Variants in FBXL18 observed in about 807,000 individuals in gnomAD.
FBXL18 encodes the protein F-box/LRR-repeat protein 18.
Under a neutral mutation model 46.0 loss-of-function variants are expected in FBXL18, and 36 were observed. The observed-to-expected ratio is 0.78, with a 90% CI of 0.60 to 1.03. The LOEUF (loss-of-function observed/expected upper bound fraction) is 1.03, where lower values mean the gene tolerates loss of function less well. Among genes scored for constraint, FBXL18 ranks in the 50% least tolerant of loss-of-function variants. The probability of loss-of-function intolerance (pLI) is 0.00; values close to 1 mark genes in which losing one functional copy is unlikely to be tolerated. For synonymous variants in FBXL18, 557 were observed against 465.3 expected, an observed-to-expected ratio of 1.20 and a Z score of -2.54; for missense variants, 977 against 1,004.1, an observed-to-expected ratio of 0.97 and a Z score of 0.36.
downstream of FBXL18, among the ~76,000 whole-genome samples, chr7:5,474,425 C>T (rs982519430): frequency 6.6e-6 from 1 of 151,250 alleles, no homozygotes; most frequent in African/African-American, 2.4e-5. Context: ...CCTTCTGCCT[C>T]AGCCTCCCCC....
chr7:5,494,089 A>G (rs1165094689), intron 3 of FBXL18, among the ~76,000 whole-genome samples: 1 of 151,910 alleles, frequency 6.6e-6, no homozygotes, highest in Non-Finnish European at 1.5e-5. Context: ...CCTGACCAAC[A>G]TGGAAAAACC....
At chr7:5,462,326 C>T (rs1783259110) in intron 4 of FBXL18, among the ~76,000 whole-genome samples, 1 of 152,214 alleles carries the variant, frequency 6.6e-6, no homozygotes, top group Non-Finnish European at 1.5e-5. Context: ...TGAAAGTATT[C>T]ACTTGCCCGA....
intron 4 of FBXL18, among the ~76,000 whole-genome samples, chr7:5,466,868 G>T (rs6948909): frequency 0.19 from 29,391 of 152,034 alleles, 3,356 homozygotes; most frequent in African/African-American, 0.3. Flanking sequence ...GCCCCATCTC[G>T]GGACACAAAA....
chr7:5,495,971 C>T (rs1357383503), intron 3 of FBXL18: 4 of 444,202 alleles, frequency 9.0e-6, no homozygotes, highest in South Asian at 1.6e-5. Flanking sequence ...GGCTGGCCCA[C>T]AAAACCCACA....
intron 4 of FBXL18, among the ~76,000 whole-genome samples, chr7:5,462,392 T>C (rs1467049950): frequency 3.9e-5 from 6 of 152,176 alleles, no homozygotes; most frequent in Admixed American, 6.5e-5. Context: ...CACTGGTACG[T>C]TGGGAGATGA....
At chr7:5,474,676 G>A (rs982280419), downstream of FBXL18, among the ~76,000 whole-genome samples, 3 of 20,474 alleles carry the variant, frequency 1.5e-4, no homozygotes, top group African/African-American at 6.5e-4. Context: ...GGCAAATTAT[G>A]CACTTTATTT....
chr7:5,509,458 G>T (rs1784473771), intron 1 of FBXL18, among the ~76,000 whole-genome samples: 2 of 152,006 alleles, frequency 1.3e-5, no homozygotes, highest in African/African-American at 4.8e-5. Context: ...ACTTTGGGAG[G>T]CCAAAGCGGG....
In FBXL18 at chr7:5,476,242, A is replaced by ACCCT. The variant is rs1272666748; in HGVS notation, c.*5529_*5532dup. The ACCCT allele has an allele frequency of 2.0e-5, 3 of 151,434 alleles. No individual in the cohort carries two copies. The highest frequency in any genetic ancestry group is 7.3e-5 in the African/African-American group (3 of 41,000). The allele number at this position is 151,434 out of a possible 1,614,324, so 9.4% of individuals were successfully genotyped here. A position where few individuals can be genotyped will look rare whatever the true frequency, so the allele number is the denominator to read the frequency against. On this transcript the variant is annotated 3_prime_UTR_variant, in exon 5 of 5. Transcript: ENST00000382368. ...ACACACACACCCTTGCACACTCCCC[A>ACCCT]CCCTCCCTCCACCCCAGACACATCA...
At chr7:5,497,409 C>T (rs961544149) in intron 3 of FBXL18, among the ~76,000 whole-genome samples, 1 of 152,142 alleles carries the variant, frequency 6.6e-6, no homozygotes, top group African/African-American at 2.4e-5. Flanking sequence ...AGCGGCCGAT[C>T]CAGGGCCTGG....
chr7:5,456,378 C>T (rs1241014593), intron 4 of FBXL18, among the ~76,000 whole-genome samples: 2 of 152,202 alleles, frequency 1.3e-5, no homozygotes, highest in Non-Finnish European at 2.9e-5. Flanking sequence ...GGAGGACAAA[C>T]CAAGGGGGAT....
At position 5,500,976 on chromosome 7, in the gene FBXL18, G is replaced by C; in HGVS notation, c.1293C>G (p.Arg431=). The change falls in exon 3 of 5, where the codon CGC becomes CGG. Residue 431 remains arginine (R), a synonymous_variant. Transcript: ENST00000382368. ...CCGGCTGGGCGGGCGCGCGGTCGGC[G>C]CGCGGCGCGGAGTCAGCGACAGAGC... ...PVCSVADSAP[R]ADRAPAQPAM... The C allele has an allele frequency of 7.1e-6, 11 of 1,543,668 alleles. No individual in the cohort carries two copies. Among genetic ancestry groups the C allele is most frequent in the Non-Finnish European group, 9.6e-6 (11 of 1,151,578 alleles).
chr7:5,481,389 A>C lies in FBXL18; in HGVS notation c.*386T>G, dbSNP rs898932682. The C allele has an allele frequency of 5.7e-6, 1 of 174,728 alleles. No individual in the cohort carries two copies. Among genetic ancestry groups the C allele is most frequent in the Non-Finnish European group, 1.2e-5 (1 of 80,390 alleles). 10.8% of individuals were successfully genotyped at this position (174,728 alleles called of 1,614,324 possible). A position where few individuals can be genotyped will look rare whatever the true frequency, so the allele number is the denominator to read the frequency against. ...CCCGGTGGCAGGTGACCACAAACAC[A>C]ACAGCCAAGGGACACGCTTCCCGGT... On this transcript the variant is annotated 3_prime_UTR_variant, in exon 5 of 5. Coordinates refer to ENST00000382368, the MANE Select transcript of FBXL18 (RefSeq NM_024963.6).
intron 2 of FBXL18, 145 bp downstream of exon 2, chr7:5,505,267 A>G (rs1006098645): frequency 1.1e-5 from 8 of 725,174 alleles, no homozygotes; most frequent in Non-Finnish European, 1.8e-5. Flanking sequence ...CTGTCCCTCA[A>G]TGCATCCTGC....
At chr7:5,513,607 G>A in intron 1 of FBXL18, 50 bp downstream of exon 1, 1 of 1,605,998 alleles carries the variant, frequency 6.2e-7, no homozygotes, top group Non-Finnish European at 8.5e-7. Context: ...AACCCAGGGA[G>A]ACCGAGGCCG....
At chr7:5,488,734 A>C (rs1005814534) in intron 4 of FBXL18, among the ~76,000 whole-genome samples, 5 of 152,194 alleles carry the variant, frequency 3.3e-5, no homozygotes, top group African/African-American at 1.2e-4. Context: ...TGGGGGGCGA[A>C]GGCCCGAGGC....
chr7:5,503,087 A>G (rs1456653418), intron 2 of FBXL18, among the ~76,000 whole-genome samples: 1 of 152,254 alleles, frequency 6.6e-6, no homozygotes, highest in Non-Finnish European at 1.5e-5. Flanking sequence ...ATCCAGCCAC[A>G]AAGGGGAAGG....
At chr7:5,492,523 G>A (rs1783956404) in intron 3 of FBXL18, among the ~76,000 whole-genome samples, 1 of 152,054 alleles carries the variant, frequency 6.6e-6, no homozygotes, top group Non-Finnish European at 1.5e-5. Context: ...AGGGGCTAGT[G>A]TGGACTGAGC....
chr7:5,493,427 C>G (rs1230581012), intron 3 of FBXL18, among the ~76,000 whole-genome samples: 1 of 152,078 alleles, frequency 6.6e-6, no homozygotes, highest in Non-Finnish European at 1.5e-5. Flanking sequence ...TCCCGAGTAG[C>G]TGGGACTACA....
intron 1 of FBXL18, 97 bp downstream of exon 1, chr7:5,513,560 T>C (rs1357308000): frequency 5.0e-6 from 7 of 1,395,266 alleles, no homozygotes; most frequent in Admixed American, 1.9e-5. Flanking sequence ...GGGGTCGGGA[T>C]AGAAAGGATG....
Sources: gnomAD v4.1 joint callset for allele counts (sites outside exome capture counted in the v4.1 genomes callset) on GRCh38, gnomAD v4.1.1 for gene constraint, MANE v1.5 for transcripts, NCBI Gene and HGNC (gene_info 2026-07-23, HGNC 2026-07-21) for gene names.